HSPBAP1: variants seen among roughly 807,000 people sequenced by gnomAD.
HSPBAP1 encodes HSPB1 associated protein 1.
A neutral mutation model predicts 45.2 loss-of-function variants in HSPBAP1; 27 were observed. The observed-to-expected ratio is 0.60, with a 90% CI of 0.44 to 0.82. The LOEUF is 0.82. Among genes scored for constraint, HSPBAP1 ranks in the 40% least tolerant of loss-of-function variants. The probability of loss-of-function intolerance (pLI) is 0.00; values close to 1 mark genes in which losing one functional copy is unlikely to be tolerated. For synonymous variants in HSPBAP1, 204 were observed against 202.7 expected (o/e 1.01, Z -0.06); for missense variants, 510 against 590.9 (o/e 0.86, Z 1.42).
intron 6 of HSPBAP1, among the ~76,000 whole-genome samples, chr3:122,748,746 C>T (rs1326381956): frequency 6.6e-6 from 1 of 152,126 alleles, no homozygotes; most frequent in African/African-American, 2.4e-5. Context: ...AAGATCTCCC[C>T]CAAAGACACA....
chr3:122,751,817 A>C (rs1294163075), intron 6 of HSPBAP1, among the ~76,000 whole-genome samples: 1 of 152,206 alleles, frequency 6.6e-6, no homozygotes, highest in Admixed American at 6.5e-5. Context: ...CACACAACAT[A>C]GCTTTCTGTA....
chr3:122,763,533 T>G (rs1467352935), intron 3 of HSPBAP1, among the ~76,000 whole-genome samples: 1 of 152,192 alleles, frequency 6.6e-6, no homozygotes, highest in African/African-American at 2.4e-5. Context: ...TTGTTCACCA[T>G]TGCATTTGTA....
chr3:122,765,239 C>A (rs950183866), intron 3 of HSPBAP1, among the ~76,000 whole-genome samples: 7 of 152,018 alleles, frequency 4.6e-5, no homozygotes, highest in African/African-American at 1.5e-4. Context: ...AAATATTTAT[C>A]CTTCGTAAGT....
At chr3:122,753,875 C>T (rs1934249518) in intron 5 of HSPBAP1, 1 of 985,188 alleles carries the variant, frequency 1.0e-6, no homozygotes, top group Non-Finnish European at 1.2e-6. Context: ...ATACAATAGG[C>T]AAAACCAATC....
intron 3 of HSPBAP1, among the ~76,000 whole-genome samples, chr3:122,762,878 C>G (rs1316284698): frequency 6.6e-6 from 1 of 152,096 alleles, no homozygotes; most frequent in Non-Finnish European, 1.5e-5. Context: ...TCAATTAAAT[C>G]AAGTTGATTG....
At chr3:122,748,167 C>T (rs1360800636) in intron 6 of HSPBAP1, among the ~76,000 whole-genome samples, 1 of 152,206 alleles carries the variant, frequency 6.6e-6, no homozygotes, top group Non-Finnish European at 1.5e-5. Flanking sequence ...CTTTGTTAAA[C>T]AGACGCTTGA....
chr3:122,781,274 T>C (rs951999227), intron 1 of HSPBAP1, among the ~76,000 whole-genome samples: 1 of 152,162 alleles, frequency 6.6e-6, no homozygotes, highest in Non-Finnish European at 1.5e-5. Flanking sequence ...CATTGAGCAC[T>C]GAGTGAACGA....
Position 122,740,325 on chromosome 3 carries a change from A to C in HSPBAP1, c.*20T>G. 2 of 1,472,574 alleles carry C rather than the reference A, an allele frequency of 1.4e-6. No individual in the cohort carries two copies. The highest frequency in any genetic ancestry group is 1.8e-6 in the Non-Finnish European group (2 of 1,095,098). 91.2% of individuals were successfully genotyped at this position (1,472,574 alleles called of 1,614,324 possible). A position where few individuals can be genotyped will look rare whatever the true frequency, so the allele number is the denominator to read the frequency against. On this transcript the variant is annotated 3_prime_UTR_variant, in exon 8 of 8. Coordinates refer to ENST00000306103, the MANE Select transcript of HSPBAP1 (RefSeq NM_024610.6). ...TATATATTTAAAAAATATTATTTTA[A>C]AAGTCATCTTCCACTTGAATCATAA...
chr3:122,752,574 AAAC>A lies in HSPBAP1; in HGVS notation c.825+14_825+16del. The A allele has an allele frequency of 2.0e-6, 3 of 1,514,244 alleles. No homozygotes were observed. The highest frequency in any genetic ancestry group is 2.7e-6 in the Non-Finnish European group (3 of 1,116,048). 93.8% of individuals were successfully genotyped at this position (1,514,244 alleles called of 1,614,324 possible). A position where few individuals can be genotyped will look rare whatever the true frequency, so the allele number is the denominator to read the frequency against. ...TTGCACTTACTTAAAAAAAAAAAAAAAACAACGAAAAAGTACCAGTTCAATCCA... is the reference window on the plus strand; with the variant it reads ...TTGCACTTACTTAAAAAAAAAAAAAAAACGAAAAAGTACCAGTTCAATCCA... On this transcript the variant is annotated intron_variant, in intron 6 of 7. Transcript: ENST00000306103.
chr3:122,778,465 A>G (rs914827295), intron 1 of HSPBAP1, among the ~76,000 whole-genome samples: 3 of 151,780 alleles, frequency 2.0e-5, no homozygotes, highest in African/African-American at 7.3e-5. Context: ...TTTATTTTCC[A>G]AGGGTATACA....
intron 1 of HSPBAP1, among the ~76,000 whole-genome samples, chr3:122,782,912 C>T (rs1935536194): frequency 6.6e-6 from 1 of 152,192 alleles, no homozygotes; most frequent in Non-Finnish European, 1.5e-5. Flanking sequence ...GTTTGGCCTC[C>T]TTTCTCAGAC....
chr3:122,788,597 G>A (rs1483602075), intron 1 of HSPBAP1, among the ~76,000 whole-genome samples: 2 of 152,142 alleles, frequency 1.3e-5, no homozygotes, highest in Non-Finnish European at 2.9e-5. Flanking sequence ...ACGTGCAATG[G>A]AACGTTATTC....
intron 6 of HSPBAP1, 59 bp from the exon 7 acceptor site, chr3:122,741,172 A>T (rs1480949047): frequency 1.6e-6 from 2 of 1,217,068 alleles, no homozygotes; most frequent in Non-Finnish European, 2.4e-6. Context: ...TTAAGAGATA[A>T]TAAAGTCTGT....
intron 6 of HSPBAP1, among the ~76,000 whole-genome samples, chr3:122,747,770 C>G (rs1383138177): frequency 6.7e-6 from 1 of 149,970 alleles, no homozygotes; most frequent in African/African-American, 2.5e-5. Context: ...GGGGGTCAGC[C>G]CCCCGCCCGG....
At chr3:122,749,091 CAT>C (rs1378394620) in intron 6 of HSPBAP1, among the ~76,000 whole-genome samples, 4 of 151,564 alleles carry the variant, frequency 2.6e-5, no homozygotes, top group South Asian at 2.1e-4. Flanking sequence ...GCACTTTGTA[CAT>C]ATAAGACTGT....
intron 1 of HSPBAP1, among the ~76,000 whole-genome samples, chr3:122,781,288 T>A (rs1935458627): frequency 6.6e-6 from 1 of 152,258 alleles, no homozygotes; most frequent in Admixed American, 6.5e-5. Flanking sequence ...TGAACGAGAC[T>A]CCGCCTGCAA....
chr3:122,752,834 C>A, intron 5 of HSPBAP1, 160 bp from the exon 6 acceptor site: 1 of 1,386,258 alleles, frequency 7.2e-7, no homozygotes, highest in Non-Finnish European at 9.3e-7. Context: ...CCCCGCAAAC[C>A]TTTTTTCCTT....
Position 122,755,416 on chromosome 3 carries a change from G to C in HSPBAP1, c.585C>G (p.Leu195=), listed in dbSNP as rs376761649. ...FQVQGRKRWH[L]FPPEDTPFLY... Reference sequence around the variant, plus strand: ...GGAAAGGAGTATCTTCAGGAGGAAAGAGATGCCATCGTTTCCTAATTAAAA... The same window carrying C: ...GGAAAGGAGTATCTTCAGGAGGAAACAGATGCCATCGTTTCCTAATTAAAA... Residue 195 remains leucine (L), a synonymous_variant, in exon 5 of 8, where the codon CTC becomes CTG. Coordinates refer to ENST00000306103, the MANE Select transcript of HSPBAP1 (RefSeq NM_024610.6). 5 of 1,412,038 alleles carry C rather than the reference G, an allele frequency of 3.5e-6. No individual in the cohort carries two copies. In the African/African-American group the frequency reaches 6.3e-5, roughly 18 times the overall value. The allele number at this position is 1,412,038 out of a possible 1,614,324, so 87.5% of individuals were successfully genotyped here.
intron 1 of HSPBAP1, among the ~76,000 whole-genome samples, chr3:122,779,572 T>C (rs1232668085): frequency 6.6e-6 from 1 of 151,468 alleles, no homozygotes. Context: ...TCTGGCAGGG[T>C]CATAGGACAA....
Sources: gnomAD v4.1 joint callset for allele counts (sites outside exome capture counted in the v4.1 genomes callset) on GRCh38, gnomAD v4.1.1 for gene constraint, MANE v1.5 for transcripts, NCBI Gene and HGNC (gene_info 2026-07-23, HGNC 2026-07-21) for gene names.